TMEM260: variants seen among roughly 807,000 people sequenced by gnomAD.
TMEM260 encodes transmembrane protein 260, also known as protein O-mannosyl-transferase TMEM260.
Under a neutral mutation model 88.9 loss-of-function variants are expected in TMEM260, and 82 were observed. That is an observed-to-expected ratio of 0.92 (90% CI 0.77 to 1.11). The LOEUF is 1.11. Among genes scored for constraint, TMEM260 ranks in the 50% least tolerant of loss-of-function variants. TMEM260 has a pLI of 0.00. For missense variants in TMEM260, 902 were observed against 853.4 expected, an observed-to-expected ratio of 1.06 and a Z score of -0.71; for synonymous variants, 314 against 309.3, an observed-to-expected ratio of 1.02 and a Z score of -0.16.
At chr14:56,660,607 A>G in the TMEM260 span, among the ~76,000 whole-genome samples, 1 of 152,308 alleles carries the variant, frequency 6.6e-6, no homozygotes, top group African/African-American at 2.4e-5. Flanking sequence ...ATAATGTCCT[A>G]AGATTTCTGG....
chr14:56,608,583 A>G (rs1329265845), intron 5 of TMEM260, among the ~76,000 whole-genome samples: 2 of 152,218 alleles, frequency 1.3e-5, no homozygotes, highest in South Asian at 2.1e-4. Context: ...TGGAGTTTAT[A>G]TAAAAGCTAG....
At chr14:56,653,014 C>T (rs1890232580), downstream of TMEM260, among the ~76,000 whole-genome samples, 1 of 152,228 alleles carries the variant, frequency 6.6e-6, no homozygotes, top group East Asian at 1.9e-4. Context: ...CCACCATGGG[C>T]CGGGCGCGGT....
rs201905004 is a variant in TMEM260, at chr14:56,604,001, T to C, written c.522+9T>C. 47 of 1,525,690 alleles carry C rather than the reference T, an allele frequency of 3.1e-5. No individual in the cohort carries two copies. In the African/African-American group the frequency reaches 5.3e-4, roughly 17 times the overall value. 94.5% of individuals were successfully genotyped at this position (1,525,690 alleles called of 1,614,324 possible). Reference sequence around the variant, plus strand: ...CTAAGGAGAGATCAAAGGTAACCTATTTTGATCAAAGTGAAATCAGTTTTT... The same window carrying C: ...CTAAGGAGAGATCAAAGGTAACCTACTTTGATCAAAGTGAAATCAGTTTTT... On this transcript the variant is annotated intron_variant, in intron 4 of 15. Coordinates refer to ENST00000261556, the MANE Select transcript of TMEM260 (RefSeq NM_017799.4).
chr14:56,660,617 G>C, the TMEM260 span, among the ~76,000 whole-genome samples: 1 of 152,168 alleles, frequency 6.6e-6, no homozygotes, highest in Non-Finnish European at 1.5e-5. Flanking sequence ...AAGATTTCTG[G>C]AGGGGCTAAC....
chr14:56,626,737 T>C (rs1247712759), intron 12 of TMEM260, among the ~76,000 whole-genome samples: 2 of 152,170 alleles, frequency 1.3e-5, no homozygotes, highest in Non-Finnish European at 2.9e-5. Flanking sequence ...TTAATAAAAA[T>C]TGCATGTCCA....
Position 56,647,604 on chromosome 14 carries a change from C to A in TMEM260, c.*107C>A. ...CTGCATAAAAAATTTAAAACTAAGTCATCTCCCAGATATAAGTATCATGGT... is the reference window on the plus strand; with the variant it reads ...CTGCATAAAAAATTTAAAACTAAGTAATCTCCCAGATATAAGTATCATGGT... On this transcript the variant is annotated 3_prime_UTR_variant, in exon 16 of 16. Coordinates refer to ENST00000261556, the MANE Select transcript of TMEM260 (RefSeq NM_017799.4). 2.4e-6 allele frequency: 3 copies of A among 1,237,370 alleles called. No homozygotes were observed. The highest frequency in any genetic ancestry group is 1.6e-5 in the South Asian group (1 of 63,094). 76.6% of individuals were successfully genotyped at this position (1,237,370 alleles called of 1,614,324 possible).
At chr14:56,652,822 A>G (rs1890229770), downstream of TMEM260, among the ~76,000 whole-genome samples, 1 of 152,194 alleles carries the variant, frequency 6.6e-6, no homozygotes, top group Admixed American at 6.5e-5. Context: ...CTACACAGTT[A>G]AGTTTCTCTT....
Position 56,633,191 on chromosome 14 carries a change from T to C in TMEM260, c.1724+20T>C. The C allele has an allele frequency of 6.3e-7, 1 of 1,595,620 alleles. No homozygotes were observed. Among genetic ancestry groups the C allele is most frequent in the Non-Finnish European group, 8.5e-7 (1 of 1,170,900 alleles). On this transcript the variant is annotated intron_variant, in intron 13 of 15. Transcript: ENST00000261556. ...TGGAAGGTATGAACAGCAGTTGTAT[T>C]TTGATGCATATAAACATAGCAGTTT...
chr14:56,646,185 TATA>T (rs1256340998), intron 15 of TMEM260, among the ~76,000 whole-genome samples: 59 of 152,330 alleles, frequency 3.9e-4, no homozygotes, highest in African/African-American at 1.3e-3. Flanking sequence ...ATTGAAACAA[TATA>T]TCAAACATGA....
chr14:56,641,446 T>A (rs1426203125), intron 15 of TMEM260, among the ~76,000 whole-genome samples: 3 of 152,098 alleles, frequency 2.0e-5, no homozygotes, highest in African/African-American at 4.8e-5. Context: ...AATAAAATCC[T>A]TTACAGACAA....
chr14:56,637,321 G>A (rs140409982), intron 15 of TMEM260, among the ~76,000 whole-genome samples: 1 of 152,210 alleles, frequency 6.6e-6, no homozygotes, highest in Admixed American at 6.5e-5. Flanking sequence ...GCCTTGGCTT[G>A]TTGAGATTTC....
intron 6 of TMEM260, among the ~76,000 whole-genome samples, chr14:56,610,225 AAG>A (rs1213108626): frequency 6.6e-6 from 1 of 151,962 alleles, no homozygotes; most frequent in Non-Finnish European, 1.5e-5. Context: ...TTTTAAAAAA[AAG>A]AATTTTTTTT....
At chr14:56,638,519 C>G (rs1472690355) in intron 15 of TMEM260, among the ~76,000 whole-genome samples, 2 of 152,046 alleles carry the variant, frequency 1.3e-5, no homozygotes, top group Non-Finnish European at 2.9e-5. Context: ...ACTACTAAAG[C>G]TCATTTGTGG....
Position 56,605,461 on chromosome 14 carries a change from A to G in TMEM260, c.523-109A>G, listed in dbSNP as rs983042141. The G allele has an allele frequency of 6.0e-5, 28 of 470,420 alleles. No individual in the cohort carries two copies. The South Asian group carries it at 1.2e-3, about 20-fold the overall frequency. The allele number at this position is 470,420 out of a possible 1,614,324, so 29.1% of individuals were successfully genotyped here. A position where few individuals can be genotyped will look rare whatever the true frequency, so the allele number is the denominator to read the frequency against. On this transcript the variant is annotated intron_variant, in intron 4 of 15. Coordinates refer to ENST00000261556, the MANE Select transcript of TMEM260 (RefSeq NM_017799.4). Reference sequence around the variant, plus strand: ...GCTTGCATCTTAGAGGTTGATTTTAACCTAACATGATACGAATGCTTGGTT... The same window carrying G: ...GCTTGCATCTTAGAGGTTGATTTTAGCCTAACATGATACGAATGCTTGGTT...
At position 56,583,120 on chromosome 14, in the gene TMEM260, A is replaced by C. The variant is rs185087362; in HGVS notation, c.161-1881A>C. 5.6e-3 allele frequency among the ~76,000 whole-genome samples: 852 copies of C among 152,314 alleles called. 2 individuals carry two copies. The highest frequency in any genetic ancestry group is 8.8e-3 in the Non-Finnish European group (600 of 68,022). On this transcript the variant is annotated intron_variant, in intron 1 of 15. Coordinates refer to ENST00000261556, the MANE Select transcript of TMEM260 (RefSeq NM_017799.4). ...GAATTTATGGTGGCTTCGTTACAAA[A>C]AGATTACAGGAACAAAAAAATCGAA...
chr14:56,592,770 G>C (rs772332908), intron 3 of TMEM260, among the ~76,000 whole-genome samples: 1 of 152,084 alleles, frequency 6.6e-6, no homozygotes, highest in Non-Finnish European at 1.5e-5. Context: ...AAACAATAAC[G>C]TTCAGATGCT....
intron 10 of TMEM260, among the ~76,000 whole-genome samples, chr14:56,619,037 T>C (rs1322894258): frequency 6.6e-6 from 1 of 152,232 alleles, no homozygotes; most frequent in African/African-American, 2.4e-5. Context: ...GAGATACTTT[T>C]AGAATCCCTA....
intron 13 of TMEM260, 139 bp from the exon 14 acceptor site, chr14:56,634,760 T>G: frequency 4.4e-6 from 3 of 686,878 alleles, no homozygotes; most frequent in Non-Finnish European, 7.5e-6. Flanking sequence ...GAGAATCACT[T>G]GAACCCAGGA....
chr14:56,637,175 G>GTGAGATAATAAATGTATGTTGTTTA (rs1889163473), intron 15 of TMEM260, among the ~76,000 whole-genome samples: 1 of 152,208 alleles, frequency 6.6e-6, no homozygotes, highest in African/African-American at 2.4e-5. Context: ...CTTCAGAAGT[G>GTGAGATAATAAATGTATGTTGTTTA]TGAGATAATA....
Sources: gnomAD v4.1 joint callset for allele counts (sites outside exome capture counted in the v4.1 genomes callset) on GRCh38, gnomAD v4.1.1 for gene constraint, MANE v1.5 for transcripts, NCBI Gene and HGNC (gene_info 2026-07-23, HGNC 2026-07-21) for gene names.